TP53BP1: variants seen among roughly 807,000 people sequenced by gnomAD.
TP53BP1 encodes the protein TP53-binding protein 1.
In TP53BP1, 61 loss-of-function variants were observed where a neutral mutation model predicts 200.8. The ratio of observed to expected loss-of-function variants is 0.30; its 90% CI spans 0.25 to 0.38. TP53BP1 has a LOEUF of 0.38. Among genes scored for constraint, TP53BP1 ranks in the 10% least tolerant of loss-of-function variants. The pLI is 1.00. For synonymous variants in TP53BP1, 822 were observed against 844.3 expected, an observed-to-expected ratio of 0.97 and a Z score of 0.46; for missense variants, 2,144 against 2,371.9, an observed-to-expected ratio of 0.90 and a Z score of 2.00.
At chr15:43,493,925 C>G (rs994086402), upstream of TP53BP1, among the ~76,000 whole-genome samples, 1 of 152,204 alleles carries the variant, frequency 6.6e-6, no homozygotes, top group African/African-American at 2.4e-5. Flanking sequence ...GTAAAGAGAA[C>G]AGCTGCCACC....
At position 43,403,545 on chromosome 15, in the gene TP53BP1, G is replaced by A. The variant is rs1230231005; in HGVS notation, c.*3838C>T. On this transcript the variant is annotated 3_prime_UTR_variant, in exon 28 of 28. Transcript: ENST00000382044. Reference sequence around the variant, plus strand: ...TCTGAGGGGCTGGCAGGCCTTGCACGTGGCAGTGTCTATCCTGTCAGATTT... The same window carrying A: ...TCTGAGGGGCTGGCAGGCCTTGCACATGGCAGTGTCTATCCTGTCAGATTT... 7 of 641,578 alleles carry A rather than the reference G, an allele frequency of 1.1e-5. No individual in the cohort carries two copies. Among genetic ancestry groups the A allele is most frequent in the African/African-American group, 1.8e-5 (1 of 54,856 alleles). The allele number at this position is 641,578 out of a possible 1,614,324, so 39.7% of individuals were successfully genotyped here.
chr15:43,446,862 G>C, intron 13 of TP53BP1: 1 of 1,297,118 alleles, frequency 7.7e-7, no homozygotes, highest in South Asian at 1.3e-5. Flanking sequence ...GCCAGCATCA[G>C]GCATAGGTAG....
At chr15:43,418,505 C>CAA (rs56948846) in intron 21 of TP53BP1, among the ~76,000 whole-genome samples, 2 of 110,766 alleles carry the variant, frequency 1.8e-5, no homozygotes, top group Non-Finnish European at 3.9e-5. Context: ...AACTGTGTCT[C>CAA]AAAAAAAAAA....
At chr15:43,460,558 CT>C (rs1191521985) in intron 11 of TP53BP1, among the ~76,000 whole-genome samples, 9 of 152,160 alleles carry the variant, frequency 5.9e-5, no homozygotes, top group South Asian at 4.2e-4. Context: ...CACGCTCAGG[CT>C]TTTTTTCCTA....
chr15:43,470,900 C>T (rs2046708727), intron 10 of TP53BP1, among the ~76,000 whole-genome samples: 1 of 152,230 alleles, frequency 6.6e-6, no homozygotes, highest in Non-Finnish European at 1.5e-5. Flanking sequence ...CAAACTGCAA[C>T]CTCAATACCC....
At chr15:43,466,525 G>A (rs576318205) in intron 11 of TP53BP1, among the ~76,000 whole-genome samples, 8 of 152,190 alleles carry the variant, frequency 5.3e-5, no homozygotes, top group East Asian at 3.9e-4. Flanking sequence ...ACAAAATTAC[G>A]ATGTAACTAT....
rs199696896 is a variant in TP53BP1, at chr15:43,456,619, C to A, written c.1989G>T (p.Gly663=). Residue 663 remains glycine, a synonymous_variant, in exon 12 of 28, where the codon GGG becomes GGT. Coordinates refer to ENST00000382044, the MANE Select transcript of TP53BP1 (RefSeq NM_001141980.3). ...TTTCTTCCACCTCAGACCCTGAAGA[C>A]CCCTCCTCTGGATGGTGTTCTTTAA... ...MEIKEHHPEE[G]SSGSEVEEIP... is the part of the protein sequence containing the mutation. 1.8e-5 allele frequency: 29 copies of A among 1,614,202 alleles called. No individual in the cohort carries two copies. In the East Asian group the frequency reaches 2.2e-4, roughly 12 times the overall value.
Position 43,421,921 on chromosome 15 carries a change from T to C in TP53BP1, c.4034A>G (p.Lys1345Arg). Residue 1345 changes from lysine to arginine, a missense_variant, in exon 19 of 28, where the codon AAA (lysine) becomes AGA (arginine). Lys to Arg is a conservative substitution (Grantham distance 26). Around this residue, in one of 4 missense-constraint regions of TP53BP1, gnomAD observed 1,700 missense variants for 1,710.3 expected, o/e 0.99. Coordinates refer to ENST00000382044, the MANE Select transcript of TP53BP1 (RefSeq NM_001141980.3). Reference protein sequence around the residue: ...SGKGAGPLRGKTSGTEPADFA... With the variant: ...SGKGAGPLRGRTSGTEPADFA... ...ATCTGCGGGTTCTGTCCCGCTGGTT[T>C]TCCCTCTGAGTGGTCCGGCTCCTTT... 1 of 1,614,202 alleles carries C rather than the reference T, an allele frequency of 6.2e-7. No homozygotes were observed. Among genetic ancestry groups the C allele is most frequent in the Non-Finnish European group, 8.5e-7 (1 of 1,180,042 alleles).
intron 18 of TP53BP1, among the ~76,000 whole-genome samples, chr15:43,425,706 G>T (rs182343343): frequency 7.0e-4 from 106 of 152,220 alleles, no homozygotes; most frequent in African/African-American, 2.5e-3. Flanking sequence ...AGTTTAATGT[G>T]GACTACAACA....
intron 1 of TP53BP1, among the ~76,000 whole-genome samples, chr15:43,507,397 A>T (rs1005961729): frequency 5.3e-5 from 8 of 152,086 alleles, no homozygotes; most frequent in African/African-American, 1.9e-4. Context: ...AGCCTCCCAA[A>T]GTGTTGGGAT....
In TP53BP1 at chr15:43,428,036, C is replaced by A. The variant is rs1352798480; in HGVS notation, c.3808G>T (p.Val1270Leu). Residue 1270 changes from valine (V) to leucine (L), a missense_variant, in exon 18 of 28, where the codon GTA (valine) becomes TTA (leucine). Physicochemically the swap from Val to Leu is conservative, Grantham distance 32. Around this residue, in one of 4 missense-constraint regions of TP53BP1, gnomAD observed 1,700 missense variants for 1,710.3 expected, o/e 0.99. Transcript: ENST00000382044. ...ATTACCTCAGTTACTTTTCTTTCTA[C>A]TTCTGTTCCATCCACATAATACACA... ...TDVYYVDGTE[V>L]ERKVTEETEE... 1 of 1,610,256 alleles carries A rather than the reference C, an allele frequency of 6.2e-7. No homozygotes were observed.
At chr15:43,430,985 G>A (rs2045655306) in intron 17 of TP53BP1, among the ~76,000 whole-genome samples, 2 of 151,838 alleles carry the variant, frequency 1.3e-5, no homozygotes, top group African/African-American at 4.8e-5. Context: ...CAAACTTTGG[G>A]GTGAGAGTAA....
At chr15:43,419,382 G>C (rs1044316864) in intron 21 of TP53BP1, among the ~76,000 whole-genome samples, 1 of 151,798 alleles carries the variant, frequency 6.6e-6, no homozygotes, top group Non-Finnish European at 1.5e-5. Flanking sequence ...TTTTTTAAGA[G>C]ACAGGGTCTC....
At chr15:43,413,373 A>C in intron 23 of TP53BP1, 39 bp from the exon 24 acceptor site, 2 of 1,564,274 alleles carry the variant, frequency 1.3e-6, no homozygotes, top group Non-Finnish European at 1.7e-6. Context: ...AGGGATACAC[A>C]CCATTGCCTC....
chr15:43,458,675 G>A (rs141921271), intron 11 of TP53BP1, among the ~76,000 whole-genome samples: 1 of 151,824 alleles, frequency 6.6e-6, no homozygotes, highest in Admixed American at 6.6e-5. Context: ...AGCTACTCGG[G>A]AGGCTGAGGC....
chr15:43,478,341 T>C (rs1232905725), intron 7 of TP53BP1, among the ~76,000 whole-genome samples: 3 of 152,150 alleles, frequency 2.0e-5, no homozygotes, highest in Admixed American at 6.6e-5. Flanking sequence ...GTAAACAGAA[T>C]AGCATAACTA....
intron 18 of TP53BP1, 95 bp from the exon 19 acceptor site, chr15:43,422,221 T>C: frequency 7.2e-7 from 1 of 1,379,778 alleles, no homozygotes; most frequent in Non-Finnish European, 9.9e-7. Flanking sequence ...CACAAAATTA[T>C]AATTCAAAAA....
intron 18 of TP53BP1, among the ~76,000 whole-genome samples, chr15:43,423,159 C>T (rs977982097): frequency 6.8e-6 from 1 of 148,048 alleles, no homozygotes; most frequent in South Asian, 2.3e-4. Flanking sequence ...TTTTAAGAAG[C>T]CTTCTGGAGG....
At chr15:43,472,951 T>C (rs1377277589) in intron 10 of TP53BP1, among the ~76,000 whole-genome samples, 1 of 151,910 alleles carries the variant, frequency 6.6e-6, no homozygotes, top group Non-Finnish European at 1.5e-5. Context: ...GCGTCTCGAG[T>C]CTGTCCCTTC....
Sources: gnomAD v4.1 joint callset for allele counts (sites outside exome capture counted in the v4.1 genomes callset) on GRCh38, gnomAD v4.1.1 for gene constraint, gnomAD v4.1.1 regional missense constraint, MANE v1.5 for transcripts, NCBI Gene and HGNC (gene_info 2026-07-23, HGNC 2026-07-21) for gene names.